The following LGR5 variants were observed in gnomAD, a reference collection of about 807,000 sequenced individuals.
LGR5 encodes the protein leucine rich repeat containing G protein-coupled receptor 5.
Under a neutral mutation model 76.7 loss-of-function variants are expected in LGR5, and 54 were observed. The ratio of observed to expected loss-of-function variants is 0.70; its 90% CI spans 0.57 to 0.88. The LOEUF is 0.88. LGR5 is among the 40% of genes least tolerant of loss of function. The pLI is 0.00. For missense variants in LGR5, 1,078 were observed against 1,073.3 expected (o/e 1.00, Z -0.06); for synonymous variants, 406 against 421.9 (o/e 0.96, Z 0.46).
In LGR5 at chr12:71,500,011, C is replaced by T. The variant is rs552680050; in HGVS notation, c.213-4603C>T. ...AAAGAAAAGGGGCCAGATCCGGAAG[C>T]GAACTCTGTAGTACAATTAACACCA... On this transcript the variant is annotated intron_variant, in intron 1 of 17. Coordinates refer to ENST00000266674, the MANE Select transcript of LGR5 (RefSeq NM_003667.4). Among the ~76,000 whole-genome samples the T allele has an allele frequency of 9.9e-5, 15 of 152,104 alleles. No homozygotes were observed. In the South Asian group the frequency reaches 2.7e-3, roughly 27 times the overall value.
At chr12:71,470,176 G>A (rs1260506008) in intron 1 of LGR5, among the ~76,000 whole-genome samples, 2 of 152,196 alleles carry the variant, frequency 1.3e-5, no homozygotes, top group African/African-American at 4.8e-5. Context: ...TAAAGGGAAA[G>A]TTGCTCCCTT....
chr12:71,502,106 A>T (rs1874633429), intron 1 of LGR5, among the ~76,000 whole-genome samples: 1 of 151,880 alleles, frequency 6.6e-6, no homozygotes, highest in African/African-American at 2.4e-5. Context: ...TTCTAGTACT[A>T]GGTCATTATC....
chr12:71,482,547 C>A (rs1463253428), intron 1 of LGR5, among the ~76,000 whole-genome samples: 2 of 152,008 alleles, frequency 1.3e-5, no homozygotes, highest in African/African-American at 4.8e-5. Flanking sequence ...AAAAAAGTCA[C>A]ATTCTGAGTT....
At chr12:71,461,262 G>T (rs1169572449) in intron 1 of LGR5, among the ~76,000 whole-genome samples, 1 of 152,024 alleles carries the variant, frequency 6.6e-6, no homozygotes, top group Non-Finnish European at 1.5e-5. Flanking sequence ...TTTATCTCCT[G>T]GGAATGATAG....
intron 16 of LGR5, among the ~76,000 whole-genome samples, chr12:71,581,790 C>A (rs1459620393): frequency 6.6e-6 from 1 of 152,198 alleles, no homozygotes; most frequent in East Asian, 1.9e-4. Flanking sequence ...GAGAGAAGGT[C>A]ATTCATGGAG....
rs142637600 is a variant in LGR5 at position 71,583,703 on chromosome 12, T to G, written c.1693T>G (p.Trp565Gly). The change falls in exon 18 of 18, where the codon TGG becomes GGG. Residue 565 changes from tryptophan to glycine, a missense_variant. Transcript: ENST00000266674. ...LDGWLIRIGV[W>G]TIAVLALTCN... is the part of the protein sequence containing the mutation. Reference sequence around the variant, plus strand: ...TGGCTGGCTGATCAGAATTGGAGTGTGGACCATAGCAGTTCTGGCACTTAC... The same window carrying G: ...TGGCTGGCTGATCAGAATTGGAGTGGGGACCATAGCAGTTCTGGCACTTAC... The G allele has an allele frequency of 1.2e-6, 2 of 1,614,156 alleles. No homozygotes were observed. The highest frequency in any genetic ancestry group is 1.3e-5 in the African/African-American group (1 of 75,042).
At position 71,570,504 on chromosome 12, in the gene LGR5, T is replaced by A. The variant is rs147479219; in HGVS notation, c.1071-1010T>A. On this transcript the variant is annotated intron_variant, in intron 11 of 17. Transcript: ENST00000266674. ...ATTATCAGCTTTGATAATATGTGTG[T>A]CCATTTTATTATATTCGCTATTTTT... 2.8e-4 allele frequency among the ~76,000 whole-genome samples: 43 copies of A among 152,248 alleles called. No homozygotes were observed. The East Asian group carries it at 7.9e-3, about 28-fold the overall frequency.
chr12:71,478,852 A>T (rs1358874624), intron 1 of LGR5, among the ~76,000 whole-genome samples: 1 of 152,196 alleles, frequency 6.6e-6, no homozygotes, highest in Non-Finnish European at 1.5e-5. Flanking sequence ...AAATAACAAG[A>T]ACTCGTTAAT....
chr12:71,490,087 A>G (rs544411597), intron 1 of LGR5, among the ~76,000 whole-genome samples: 2 of 151,454 alleles, frequency 1.3e-5, no homozygotes, highest in Admixed American at 1.3e-4. Context: ...CCATGATCAC[A>G]CCACTATCCT....
intron 1 of LGR5, chr12:71,441,915 A>T (rs1418151252): frequency 1.3e-5 from 2 of 152,056 alleles, no homozygotes; most frequent in Non-Finnish European, 2.9e-5. Context: ...CTCATCCCCA[A>T]CCACTCTAGT....
intron 2 of LGR5, among the ~76,000 whole-genome samples, chr12:71,508,838 C>G (rs570800010): frequency 1.0e-4 from 15 of 148,220 alleles, no homozygotes; most frequent in Non-Finnish European, 2.1e-4. Flanking sequence ...ACAGCTATTA[C>G]AGAAAATTGT....
chr12:71,566,269 G>A, intron 8 of LGR5, 135 bp from the exon 9 acceptor site: 1 of 635,772 alleles, frequency 1.6e-6, no homozygotes, highest in South Asian at 2.1e-5. Flanking sequence ...TGAAACCAAG[G>A]AATTGGGAAT....
intron 5 of LGR5, among the ~76,000 whole-genome samples, chr12:71,555,039 T>G (rs1247245322): frequency 6.6e-6 from 1 of 152,134 alleles, no homozygotes; most frequent in Non-Finnish European, 1.5e-5. Flanking sequence ...TATATACTCC[T>G]TTGAGGGCTG....
chr12:71,480,351 ACT>A (rs1873537039), intron 1 of LGR5, among the ~76,000 whole-genome samples: 2 of 136,564 alleles, frequency 1.5e-5, no homozygotes, highest in Admixed American at 7.5e-5. Flanking sequence ...ACAGAATGAG[ACT>A]CTGTCTCAAA....
chr12:71,557,554 A>G (rs1395136604), intron 6 of LGR5, among the ~76,000 whole-genome samples: 2 of 152,170 alleles, frequency 1.3e-5, no homozygotes, highest in Non-Finnish European at 2.9e-5. Context: ...GAATAAGTCA[A>G]AAGTTCAGTT....
intron 1 of LGR5, among the ~76,000 whole-genome samples, chr12:71,497,429 G>C (rs1384169889): frequency 6.6e-6 from 1 of 151,734 alleles, no homozygotes; most frequent in Non-Finnish European, 1.5e-5. Flanking sequence ...TTATCCGGCC[G>C]GACACAGAAT....
chr12:71,584,846 CA>C lies in LGR5; in HGVS notation c.*118del, dbSNP rs962897279. 2 of 1,120,220 alleles carry C rather than the reference CA, an allele frequency of 1.8e-6. No homozygotes were observed. The highest frequency in any genetic ancestry group is 2.5e-6 in the Non-Finnish European group (2 of 787,476). The allele number at this position is 1,120,220 out of a possible 1,614,324, so 69.4% of individuals were successfully genotyped here. ...CTGAGGTGAAACTCGGTTTAAAAAC[CA>C]AAAAAGAATCTCTCAGTTAGTAAGA... On this transcript the variant is annotated 3_prime_UTR_variant, in exon 18 of 18. Coordinates refer to ENST00000266674, the MANE Select transcript of LGR5 (RefSeq NM_003667.4).
chr12:71,582,174 G>A (rs1879119747), intron 16 of LGR5: 3 of 331,906 alleles, frequency 9.0e-6, no homozygotes, highest in Non-Finnish European at 1.7e-5. Flanking sequence ...TGCAATGTGG[G>A]GACATCATGA....
intron 1 of LGR5, among the ~76,000 whole-genome samples, chr12:71,487,346 C>A (rs1381175665): frequency 6.6e-6 from 1 of 152,224 alleles, no homozygotes; most frequent in Non-Finnish European, 1.5e-5. Flanking sequence ...TAATTTTATA[C>A]AGTGAAACCA....
Sources: gnomAD v4.1 joint callset for allele counts (sites outside exome capture counted in the v4.1 genomes callset) on GRCh38, gnomAD v4.1.1 for gene constraint, MANE v1.5 for transcripts, NCBI Gene and HGNC (gene_info 2026-07-23, HGNC 2026-07-21) for gene names.